The following UNC13C variants were observed in gnomAD, a reference collection of about 807,000 sequenced individuals.
UNC13C encodes the protein protein unc-13 homolog C.
Under a neutral mutation model 245.4 loss-of-function variants are expected in UNC13C, and 174 were observed. The observed-to-expected ratio is 0.71, with a 90% CI of 0.63 to 0.80. UNC13C has a LOEUF of 0.80. Ranked by LOEUF, UNC13C falls within the 30% of genes least tolerant of loss-of-function variation. The probability of loss-of-function intolerance (pLI) is 0.00; values close to 1 mark genes in which losing one functional copy is unlikely to be tolerated. For missense variants in UNC13C, 2,829 were observed against 2,602.9 expected, an observed-to-expected ratio of 1.09 and a Z score of -1.89; for synonymous variants, 992 against 895.1, an observed-to-expected ratio of 1.11 and a Z score of -1.93.
intron 4 of UNC13C, among the ~76,000 whole-genome samples, chr15:54,211,081 A>G (rs1378338827): frequency 1.3e-5 from 2 of 152,160 alleles, no homozygotes; most frequent in Admixed American, 6.6e-5. Context: ...TAGGCTAGGT[A>G]TCATAGTAGA....
At chr15:54,580,413 C>A (rs766356978) in intron 30 of UNC13C, among the ~76,000 whole-genome samples, 7 of 152,176 alleles carry the variant, frequency 4.6e-5, no homozygotes, top group Non-Finnish European at 1.0e-4. Context: ...CTTGTACAAA[C>A]CTCTGGTGTA....
chr15:54,187,700 T>A (rs1372310867), intron 4 of UNC13C, among the ~76,000 whole-genome samples: 1 of 152,212 alleles, frequency 6.6e-6, no homozygotes, highest in East Asian at 1.9e-4. Flanking sequence ...ATCATATCTT[T>A]ATAGCACTCA....
chr15:53,847,507 C>T, the UNC13C span, among the ~76,000 whole-genome samples: 2 of 150,336 alleles, frequency 1.3e-5, no homozygotes, highest in Non-Finnish European at 3.0e-5. Flanking sequence ...CAGGTGTCCA[C>T]CACCATGCCT....
At chr15:54,279,001 G>A (rs977528244) in intron 10 of UNC13C, among the ~76,000 whole-genome samples, 4 of 152,086 alleles carry the variant, frequency 2.6e-5, no homozygotes, top group Admixed American at 2.6e-4. Context: ...CATTCAAACA[G>A]GTGTCTGGTA....
intron 17 of UNC13C, among the ~76,000 whole-genome samples, chr15:54,371,958 G>A (rs770349470): frequency 2.0e-5 from 3 of 152,098 alleles, no homozygotes; most frequent in Non-Finnish European, 2.9e-5. Context: ...AGATTGGGGA[G>A]ATCATGTCCT....
chr15:53,877,647 G>A, the UNC13C span, among the ~76,000 whole-genome samples: 1 of 152,020 alleles, frequency 6.6e-6, no homozygotes, highest in Non-Finnish European at 1.5e-5. Flanking sequence ...GAGAAGAAGG[G>A]AAAGTTGACC....
chr15:54,003,581 C>A (rs1350000512), intron 1 of UNC13C, among the ~76,000 whole-genome samples: 2 of 152,054 alleles, frequency 1.3e-5, no homozygotes, highest in Non-Finnish European at 2.9e-5. Context: ...TTATGGGGTA[C>A]CTGAGATATT....
At chr15:54,076,114 T>A (rs866954004) in intron 2 of UNC13C, among the ~76,000 whole-genome samples, 140 of 148,950 alleles carry the variant, frequency 9.4e-4, no homozygotes, top group Middle Eastern at 7.0e-3. Context: ...TATATATATT[T>A]TTTTTTATTA....
At chr15:54,284,085 C>G (rs1286510640) in intron 10 of UNC13C, among the ~76,000 whole-genome samples, 1 of 152,150 alleles carries the variant, frequency 6.6e-6, no homozygotes, top group Non-Finnish European at 1.5e-5. Context: ...CAACCAATGA[C>G]TTTAGAGATT....
chr15:54,592,526 A>T (rs970010965), intron 30 of UNC13C, among the ~76,000 whole-genome samples: 1 of 152,184 alleles, frequency 6.6e-6, no homozygotes, highest in Admixed American at 6.5e-5. Context: ...CCTGTTGGAC[A>T]AGGCCTTTTA....
intron 4 of UNC13C, among the ~76,000 whole-genome samples, chr15:54,143,998 A>T (rs895540766): frequency 6.6e-6 from 1 of 152,154 alleles, no homozygotes; most frequent in Non-Finnish European, 1.5e-5. Flanking sequence ...ATTCATATTG[A>T]TACAATTAAT....
At chr15:54,407,754 T>C (rs1044684422) in intron 18 of UNC13C, among the ~76,000 whole-genome samples, 62 of 152,228 alleles carry the variant, frequency 4.1e-4, no homozygotes, top group African/African-American at 1.3e-3. Flanking sequence ...TCTTGAGATT[T>C]AAATTTAAAG....
intron 4 of UNC13C, among the ~76,000 whole-genome samples, chr15:54,229,496 A>G (rs2035488836): frequency 6.6e-6 from 1 of 152,004 alleles, no homozygotes; most frequent in South Asian, 2.1e-4. Flanking sequence ...GTTTATTATT[A>G]TTTTTAAATG....
the UNC13C span, among the ~76,000 whole-genome samples, chr15:53,957,644 G>A: frequency 1.3e-5 from 2 of 152,132 alleles, no homozygotes; most frequent in Non-Finnish European, 2.9e-5. Context: ...TTGTTTTATA[G>A]CCCAGAAATT....
At chr15:54,578,148 T>C (rs569249544) in intron 30 of UNC13C, among the ~76,000 whole-genome samples, 1 of 152,332 alleles carries the variant, frequency 6.6e-6, no homozygotes, top group Admixed American at 6.5e-5. Context: ...GGGAATCATT[T>C]GTAAAGTCAC....
intron 30 of UNC13C, among the ~76,000 whole-genome samples, chr15:54,607,395 T>C (rs1412428717): frequency 6.6e-6 from 1 of 152,196 alleles, no homozygotes; most frequent in Non-Finnish European, 1.5e-5. Context: ...GTTCAATACA[T>C]TCTTTAGAAA....
intron 2 of UNC13C, among the ~76,000 whole-genome samples, chr15:54,103,692 C>T (rs770603491): frequency 1.8e-4 from 27 of 152,054 alleles, no homozygotes; most frequent in Non-Finnish European, 3.5e-4. Context: ...CACCATCAGA[C>T]CTATCAGACA....
chr15:54,245,960 G>T lies in UNC13C; in HGVS notation c.3229-4265G>T, dbSNP rs184453296. 3.3e-5 allele frequency among the ~76,000 whole-genome samples: 5 copies of T among 152,150 alleles called. No individual in the cohort carries two copies. The East Asian group carries it at 9.7e-4, about 29-fold the overall frequency. Reference sequence around the variant, plus strand: ...CACTGGTTAAAACAGAAAGGAAAAAGGAGAGAAACAATGTGGCAAATGGAG... The same window carrying T: ...CACTGGTTAAAACAGAAAGGAAAAATGAGAGAAACAATGTGGCAAATGGAG... On this transcript the variant is annotated intron_variant, in intron 7 of 32. Transcript: ENST00000260323.
chr15:54,306,978 T>C (rs1414499004), intron 13 of UNC13C, among the ~76,000 whole-genome samples: 1 of 152,036 alleles, frequency 6.6e-6, no homozygotes, highest in Non-Finnish European at 1.5e-5. Flanking sequence ...AAATATTTAC[T>C]CAGTGCCTAT....
Sources: gnomAD v4.1 joint callset for allele counts (sites outside exome capture counted in the v4.1 genomes callset) on GRCh38, gnomAD v4.1.1 for gene constraint, MANE v1.5 for transcripts, NCBI Gene and HGNC (gene_info 2026-07-23, HGNC 2026-07-21) for gene names.